TMEM232: variants seen among roughly 807,000 people sequenced by gnomAD.
TMEM232 encodes transmembrane protein 232.
TMEM232 carries 80 observed loss-of-function variants against 78.8 expected under a neutral mutation model. The observed-to-expected ratio is 1.01, with a 90% CI of 0.85 to 1.22. The LOEUF is 1.22. Among genes scored for constraint, TMEM232 ranks in the 50% most tolerant of loss-of-function variants. TMEM232 has a pLI of 0.00. For missense variants in TMEM232, 881 were observed against 742.2 expected (o/e 1.19, Z -2.17); for synonymous variants, 297 against 254.3 (o/e 1.17, Z -1.60).
chr5:110,466,463 T>C (rs1762086746), intron 12 of TMEM232, among the ~76,000 whole-genome samples: 2 of 152,180 alleles, frequency 1.3e-5, no homozygotes, highest in Non-Finnish European at 2.9e-5. Context: ...CCTAGTCATC[T>C]CCTAATTGTG....
chr5:110,400,481 A>G (rs1561455810), intron 2 of TMEM232, among the ~76,000 whole-genome samples: 1 of 152,068 alleles, frequency 6.6e-6, no homozygotes, highest in Non-Finnish European at 1.5e-5. Context: ...TTTCACCCCA[A>G]TAATAGAAGC....
intron 10 of TMEM232, among the ~76,000 whole-genome samples, chr5:110,584,022 T>C (rs758369770): frequency 1.4e-5 from 2 of 146,094 alleles, no homozygotes; most frequent in Non-Finnish European, 3.0e-5. Context: ...TGTGAGGAAA[T>C]TGGAATCCCT....
intron 1 of TMEM232, among the ~76,000 whole-genome samples, chr5:110,708,592 A>AGT (rs1554083403): frequency 6.6e-6 from 1 of 152,064 alleles, no homozygotes; most frequent in Non-Finnish European, 1.5e-5. Context: ...TGAAGTTAAA[A>AGT]AGAGTTTTTA....
chr5:110,664,888 T>A (rs1292857575), intron 2 of TMEM232, among the ~76,000 whole-genome samples: 2 of 152,210 alleles, frequency 1.3e-5, no homozygotes, highest in African/African-American at 4.8e-5. Context: ...TGGGTTACAA[T>A]TTCACTTTGT....
intron 4 of TMEM232, among the ~76,000 whole-genome samples, chr5:110,389,710 G>T (rs566800433): frequency 6.6e-6 from 1 of 152,242 alleles, no homozygotes; most frequent in Admixed American, 6.5e-5. Flanking sequence ...GCAAGATCAA[G>T]CTCTTTTCTA....
intron 1 of TMEM232, among the ~76,000 whole-genome samples, chr5:110,698,454 T>A (rs1022934624): frequency 6.6e-6 from 1 of 151,544 alleles, no homozygotes; most frequent in Non-Finnish European, 1.5e-5. Flanking sequence ...TAAAAAAAAA[T>A]GTCTTTAAGG....
upstream of TMEM232, among the ~76,000 whole-genome samples, chr5:110,730,290 T>C (rs905050114): frequency 6.6e-6 from 1 of 152,170 alleles, no homozygotes; most frequent in African/African-American, 2.4e-5. Flanking sequence ...AAGTGAATCA[T>C]AGGAAAAAAC....
intron 3 of TMEM232, 112 bp downstream of exon 3, chr5:110,642,148 T>C (rs1786820456): frequency 4.9e-6 from 3 of 606,436 alleles, no homozygotes; most frequent in South Asian, 5.2e-5. Context: ...TCCCTACTTA[T>C]AATTAAAGAA....
chr5:110,454,488 C>T (rs962769327), intron 12 of TMEM232, among the ~76,000 whole-genome samples: 1 of 151,558 alleles, frequency 6.6e-6, no homozygotes, highest in Non-Finnish European at 1.5e-5. Flanking sequence ...TAGCAAGACT[C>T]TGTCTCTAAG....
intron 11 of TMEM232, among the ~76,000 whole-genome samples, chr5:110,547,157 T>A (rs1177234551): frequency 1.3e-5 from 2 of 152,148 alleles, no homozygotes; most frequent in Non-Finnish European, 2.9e-5. Flanking sequence ...AGAGCAAAGG[T>A]GATCATTTTG....
At chr5:110,498,042 A>G (rs559127742) in intron 12 of TMEM232, among the ~76,000 whole-genome samples, 61 of 152,308 alleles carry the variant, frequency 4.0e-4, no homozygotes, top group East Asian at 2.5e-3. Context: ...TTAATGCCTC[A>G]TAACAGTTTA....
chr5:110,607,509 C>A (rs551113578), intron 8 of TMEM232, among the ~76,000 whole-genome samples: 1 of 152,086 alleles, frequency 6.6e-6, no homozygotes, highest in South Asian at 2.1e-4. Context: ...AGTTAGCCCC[C>A]TCAAGATGGA....
chr5:110,671,312 A>C (rs1018312832), intron 1 of TMEM232, among the ~76,000 whole-genome samples: 5 of 152,238 alleles, frequency 3.3e-5, no homozygotes, highest in African/African-American at 1.2e-4. Flanking sequence ...AGTGTAAATT[A>C]GGTCAACCAT....
At chr5:110,665,125 C>G (rs1210461553) in intron 2 of TMEM232, among the ~76,000 whole-genome samples, 2 of 151,960 alleles carry the variant, frequency 1.3e-5, no homozygotes, top group African/African-American at 4.8e-5. Flanking sequence ...TGTATGTATA[C>G]CATTATATTT....
chr5:110,677,242 T>C (rs1414389710), intron 1 of TMEM232, among the ~76,000 whole-genome samples: 8 of 140,906 alleles, frequency 5.7e-5, no homozygotes, highest in Non-Finnish European at 3.0e-5. Flanking sequence ...AATTGTCTAA[T>C]TTTTTTTTTC....
At chr5:110,493,576 G>A (rs1041528546) in intron 12 of TMEM232, among the ~76,000 whole-genome samples, 2 of 152,020 alleles carry the variant, frequency 1.3e-5, no homozygotes, top group African/African-American at 4.8e-5. Flanking sequence ...GCTGATCAAT[G>A]TGAATGAACA....
intron 5 of TMEM232, among the ~76,000 whole-genome samples, chr5:110,633,651 G>T (rs1270721616): frequency 1.3e-5 from 2 of 152,080 alleles, no homozygotes; most frequent in East Asian, 1.9e-4. Flanking sequence ...TGTAAAGAAG[G>T]CCCTTGCTTC....
intron 2 of TMEM232, among the ~76,000 whole-genome samples, chr5:110,398,451 T>C (rs1398843030): frequency 6.6e-6 from 1 of 152,120 alleles, no homozygotes; most frequent in Admixed American, 6.6e-5. Flanking sequence ...TGCTCCAGGT[T>C]TGAGGATAGG....
intron 2 of TMEM232, among the ~76,000 whole-genome samples, chr5:110,408,886 A>T (rs1317817686): frequency 1.3e-5 from 2 of 152,146 alleles, no homozygotes; most frequent in Non-Finnish European, 2.9e-5. Flanking sequence ...CAGGTGGAGG[A>T]TGAGAGCCAT....
Sources: allele counts gnomAD v4.1 joint callset (sites outside exome capture counted in the v4.1 genomes callset), GRCh38; gene constraint gnomAD v4.1.1; transcripts MANE v1.5; gene names NCBI Gene and HGNC (gene_info 2026-07-23, HGNC 2026-07-21).